Variants in PDE3B observed in about 807,000 individuals in gnomAD.
PDE3B encodes the protein phosphodiesterase 3B, also known as cGMP-inhibited 3',5'-cyclic phosphodiesterase 3B.
Under a neutral mutation model 116.8 loss-of-function variants are expected in PDE3B, and 66 were observed. That is an observed-to-expected ratio of 0.56 (90% CI 0.46 to 0.69). The LOEUF is 0.69. PDE3B is among the 30% of genes least tolerant of loss of function. The probability of loss-of-function intolerance (pLI) is 0.00; values close to 1 mark genes in which losing one functional copy is unlikely to be tolerated. For synonymous variants in PDE3B, 595 were observed against 533.6 expected (o/e 1.12, Z -1.59); for missense variants, 1,384 against 1,368.1 (o/e 1.01, Z -0.18).
intron 2 of PDE3B, among the ~76,000 whole-genome samples, chr11:14,784,160 G>A (rs141723581): frequency 1.3e-5 from 2 of 152,254 alleles, no homozygotes; most frequent in Non-Finnish European, 2.9e-5. Flanking sequence ...TGTGTTCCAC[G>A]AAACCTGTCC....
intron 1 of PDE3B, among the ~76,000 whole-genome samples, chr11:14,726,519 G>C (rs1856310730): frequency 6.6e-6 from 1 of 152,124 alleles, no homozygotes; most frequent in Non-Finnish European, 1.5e-5. Context: ...TGTAGGACTG[G>C]ATGAAATTAT....
At chr11:14,647,832 A>G (rs563203386) in intron 1 of PDE3B, among the ~76,000 whole-genome samples, 11 of 151,974 alleles carry the variant, frequency 7.2e-5, no homozygotes, top group Non-Finnish European at 1.3e-4. Context: ...GTGTTGAAAA[A>G]TAATGGCATG....
In PDE3B at chr11:14,813,094, C is replaced by T. The variant is rs72869772; in HGVS notation, c.1523-5089C>T. 5.7e-3 allele frequency among the ~76,000 whole-genome samples: 865 copies of T among 152,310 alleles called. 6 individuals carry two copies. Among genetic ancestry groups the T allele is most frequent in the Non-Finnish European group, 8.6e-3 (586 of 68,022 alleles). Reference sequence around the variant, plus strand: ...ATCTTGCACTTCCCAGCCTCCAGAACTGTGAGAATAAATTTCTCTTATTTA... The same window carrying T: ...ATCTTGCACTTCCCAGCCTCCAGAATTGTGAGAATAAATTTCTCTTATTTA... On this transcript the variant is annotated intron_variant, in intron 5 of 15. Coordinates refer to ENST00000282096, the MANE Select transcript of PDE3B (RefSeq NM_000922.4).
chr11:14,654,328 T>G (rs1853646920), intron 1 of PDE3B, among the ~76,000 whole-genome samples: 1 of 152,062 alleles, frequency 6.6e-6, no homozygotes, highest in Non-Finnish European at 1.5e-5. Context: ...TTCAAAAGAA[T>G]GAATGGCAGT....
At chr11:14,770,159 T>A (rs1857598209) in intron 1 of PDE3B, among the ~76,000 whole-genome samples, 1 of 151,428 alleles carries the variant, frequency 6.6e-6, no homozygotes, top group African/African-American at 2.4e-5. Context: ...AGACCAAGAA[T>A]GCCAATTAGT....
At chr11:14,725,305 CTT>C (rs1565109646) in intron 1 of PDE3B, among the ~76,000 whole-genome samples, 8 of 118,142 alleles carry the variant, frequency 6.8e-5, no homozygotes, top group Non-Finnish European at 3.7e-5. Context: ...TTCTTTCTTT[CTT>C]TCTCTTTCTT....
chr11:14,802,288 C>T (rs960053249), intron 4 of PDE3B, among the ~76,000 whole-genome samples: 4 of 152,134 alleles, frequency 2.6e-5, no homozygotes, highest in East Asian at 1.9e-4. Context: ...GGGTAGGCAC[C>T]GGAGGGAATC....
intron 1 of PDE3B, among the ~76,000 whole-genome samples, chr11:14,770,534 G>T (rs1262262083): frequency 6.6e-6 from 1 of 151,488 alleles, no homozygotes; most frequent in Non-Finnish European, 1.5e-5. Flanking sequence ...AATAATTAGT[G>T]TCTCTTGAAT....
At chr11:14,893,986 C>A in the PDE3B span, among the ~76,000 whole-genome samples, 197 of 152,240 alleles carry the variant, frequency 1.3e-3, 1 homozygote, top group African/African-American at 4.2e-3. Context: ...ACTAAGCAAA[C>A]CTTGTCCTCT....
rs570296206 is a variant in PDE3B at position 14,834,944 on chromosome 11, G to GTGTTA, written c.2207-37_2207-33dup. 4.2e-4 allele frequency: 465 copies of GTGTTA among 1,103,322 alleles called. 4 individuals carry two copies. In the South Asian group the frequency reaches 6.0e-3, roughly 14 times the overall value. 68.3% of individuals were successfully genotyped at this position (1,103,322 alleles called of 1,614,324 possible). Reference sequence around the variant, plus strand: ...AATTATTGTACTTTTTAAATGTTGTGTGTTAAACCTAACAGAAAAACGTTT... The same window carrying GTGTTA: ...AATTATTGTACTTTTTAAATGTTGTGTGTTATGTTAAACCTAACAGAAAAACGTTT... On this transcript the variant is annotated intron_variant, in intron 10 of 15. Coordinates refer to ENST00000282096, the MANE Select transcript of PDE3B (RefSeq NM_000922.4).
the PDE3B span, chr11:14,880,185 A>G: frequency 1.2e-6 from 2 of 1,612,962 alleles, no homozygotes; most frequent in Non-Finnish European, 1.7e-6. Flanking sequence ...ACCGTAGCAC[A>G]TTGGTTGTAG....
intron 1 of PDE3B, among the ~76,000 whole-genome samples, chr11:14,692,955 GC>G (rs758475240): frequency 1.1e-4 from 17 of 152,176 alleles, no homozygotes; most frequent in Non-Finnish European, 1.9e-4. Context: ...AGTTAGTCAA[GC>G]TGTGAATGCA....
At position 14,781,089 on chromosome 11, in the gene PDE3B, A is replaced by T. The variant is rs1344100126; in HGVS notation, c.1030-5348A>T. On this transcript the variant is annotated intron_variant, in intron 2 of 15. Transcript: ENST00000282096. ...AAGAAATGGATAAATTCCTCGACAC[A>T]TACACCCTCCCAAGACTAAACAGGA... Among the ~76,000 whole-genome samples, 4 of 152,302 alleles carry T rather than the reference A, an allele frequency of 2.6e-5. No individual in the cohort carries two copies. The South Asian group carries it at 8.3e-4, about 32-fold the overall frequency.
chr11:14,782,880 T>C (rs969642948), intron 2 of PDE3B, among the ~76,000 whole-genome samples: 1 of 152,198 alleles, frequency 6.6e-6, no homozygotes, highest in East Asian at 1.9e-4. Context: ...AGGGCTAATA[T>C]CCAGAATCTA....
intron 3 of PDE3B, among the ~76,000 whole-genome samples, chr11:14,788,677 C>G (rs1454757004): frequency 6.6e-6 from 1 of 151,872 alleles, no homozygotes; most frequent in African/African-American, 2.4e-5. Flanking sequence ...TGCAGTTTCT[C>G]CTGATTAACA....
chr11:14,712,329 C>T lies in PDE3B; in HGVS notation c.979-59608C>T, dbSNP rs1346219397. ...TGAACTCCTGGCCTCAAGCAATTCT[C>T]TTGTCTTGGGCTCCCAAAGCACTGA... On this transcript the variant is annotated intron_variant, in intron 1 of 15. Transcript: ENST00000282096. Among the ~76,000 whole-genome samples, 3 of 152,248 alleles carry T rather than the reference C, an allele frequency of 2.0e-5. No homozygotes were observed. The East Asian group carries it at 5.8e-4, about 29-fold the overall frequency.
rs1387473329 is a variant in PDE3B at position 14,674,363 on chromosome 11, A to T, written c.978+29310A>T. The T allele has an allele frequency of 5.3e-6, 4 of 750,874 alleles. No individual in the cohort carries two copies. In the East Asian group the frequency reaches 1.2e-4, roughly 22 times the overall value. The allele number at this position is 750,874 out of a possible 1,614,324, so 46.5% of individuals were successfully genotyped here. ...TCTTTCTGCAAATTAGTGTCCTTGT[A>T]TTTGAGTACTCTGCTCTCTGGAACC... On this transcript the variant is annotated intron_variant, in intron 1 of 15. Coordinates refer to ENST00000282096, the MANE Select transcript of PDE3B (RefSeq NM_000922.4).
chr11:14,837,970 T>A (rs186494416), intron 11 of PDE3B, among the ~76,000 whole-genome samples: 171 of 152,060 alleles, frequency 1.1e-3, no homozygotes, highest in African/African-American at 3.8e-3. Context: ...ATTTTTTTTT[T>A]AATTTATTTT....
chr11:14,708,515 G>A (rs531183432), intron 1 of PDE3B, among the ~76,000 whole-genome samples: 4 of 152,092 alleles, frequency 2.6e-5, no homozygotes, highest in South Asian at 4.2e-4. Flanking sequence ...AATATTAGAC[G>A]TACCTAAATG....
Sources: gnomAD v4.1 joint callset for allele counts (sites outside exome capture counted in the v4.1 genomes callset) on GRCh38, gnomAD v4.1.1 for gene constraint, MANE v1.5 for transcripts, NCBI Gene and HGNC (gene_info 2026-07-23, HGNC 2026-07-21) for gene names.